Variants in SCFD2 observed in about 807,000 individuals in gnomAD.
SCFD2 encodes sec1 family domain-containing protein 2.
SCFD2 carries 54 observed loss-of-function variants against 58.9 expected under a neutral mutation model. The observed-to-expected ratio is 0.92, with a 90% CI of 0.74 to 1.15. The LOEUF is 1.15. Ranked by LOEUF, SCFD2 falls within the 50% of genes most tolerant of loss-of-function variation. The probability of loss-of-function intolerance (pLI) is 0.00; values close to 1 mark genes in which losing one functional copy is unlikely to be tolerated. For missense variants in SCFD2, 805 were observed against 836.6 expected, an observed-to-expected ratio of 0.96 and a Z score of 0.47; for synonymous variants, 321 against 335.9, an observed-to-expected ratio of 0.96 and a Z score of 0.49.
chr4:52,916,604 A>T (rs1474138160), intron 6 of SCFD2, among the ~76,000 whole-genome samples: 1 of 152,134 alleles, frequency 6.6e-6, no homozygotes, highest in Non-Finnish European at 1.5e-5. Flanking sequence ...CAGAAAAAAC[A>T]CTTTCTGCAC....
chr4:53,027,577 C>T (rs1322635261), intron 5 of SCFD2, among the ~76,000 whole-genome samples: 2 of 152,204 alleles, frequency 1.3e-5, no homozygotes, highest in East Asian at 3.8e-4. Context: ...CCTGTAATTC[C>T]AGCATGTTGG....
intron 5 of SCFD2, among the ~76,000 whole-genome samples, chr4:52,929,241 G>A (rs1424134335): frequency 6.6e-6 from 1 of 152,152 alleles, no homozygotes; most frequent in African/African-American, 2.4e-5. Flanking sequence ...AGGTAGGTAA[G>A]CAAAGTGCCA....
intron 5 of SCFD2, among the ~76,000 whole-genome samples, chr4:52,963,077 C>T (rs923231903): frequency 5.9e-5 from 9 of 152,180 alleles, no homozygotes; most frequent in African/African-American, 2.2e-4. Context: ...ATAAACCTGG[C>T]TTTGTTTAAA....
intron 4 of SCFD2, among the ~76,000 whole-genome samples, chr4:53,189,559 G>A (rs1727835610): frequency 6.6e-6 from 1 of 152,106 alleles, no homozygotes; most frequent in Non-Finnish European, 1.5e-5. Context: ...CAGTAAGGGA[G>A]GAATTCTCTA....
At chr4:53,129,584 T>C (rs1351268351) in intron 5 of SCFD2, among the ~76,000 whole-genome samples, 2 of 152,214 alleles carry the variant, frequency 1.3e-5, no homozygotes, top group Non-Finnish European at 2.9e-5. Flanking sequence ...TTTGCTGCAA[T>C]TTTAGGCTGA....
chr4:53,014,578 G>A (rs1432595231), intron 5 of SCFD2, among the ~76,000 whole-genome samples: 2 of 152,110 alleles, frequency 1.3e-5, no homozygotes, highest in African/African-American at 4.8e-5. Context: ...AACCTCATAG[G>A]CACAACCCTC....
chr4:53,178,476 A>G (rs1214545008), intron 4 of SCFD2, among the ~76,000 whole-genome samples: 1 of 152,172 alleles, frequency 6.6e-6, no homozygotes, highest in Admixed American at 6.5e-5. Flanking sequence ...CAGAAAGGAC[A>G]TCCACACCAA....
At chr4:53,148,104 G>A (rs987052466) in intron 4 of SCFD2, among the ~76,000 whole-genome samples, 1 of 152,120 alleles carries the variant, frequency 6.6e-6, no homozygotes, top group African/African-American at 2.4e-5. Context: ...TAGAAACTAT[G>A]TGTATACATA....
chr4:53,207,300 T>C (rs1223339840), intron 4 of SCFD2, among the ~76,000 whole-genome samples: 9 of 139,190 alleles, frequency 6.5e-5, no homozygotes, highest in South Asian at 2.2e-4. Context: ...AGGAATGTAA[T>C]ACATTTTTGC....
intron 4 of SCFD2, among the ~76,000 whole-genome samples, chr4:53,242,669 T>C (rs527797020): frequency 3.9e-5 from 6 of 152,266 alleles, no homozygotes; most frequent in South Asian, 4.1e-4. Flanking sequence ...AGAATATGAA[T>C]AGATATAAAG....
Position 53,295,774 on chromosome 4 carries a change from T to C in SCFD2, c.1135+17862A>G, listed in dbSNP as rs140374777. Among the ~76,000 whole-genome samples the C allele has an allele frequency of 8.4e-3, 1,275 of 152,346 alleles. 12 individuals are homozygous for C. Among genetic ancestry groups the C allele is most frequent in the African/African-American group, 0.029 (1,212 of 41,572 alleles). ...TTCATTATGATATTGGCTGTGGGTA[T>C]GTCATAAATAACTCTCAATATTTTG... On this transcript the variant is annotated intron_variant, in intron 3 of 8. Transcript: ENST00000401642.
At chr4:53,222,081 G>A (rs990334389) in intron 4 of SCFD2, among the ~76,000 whole-genome samples, 3 of 152,060 alleles carry the variant, frequency 2.0e-5, no homozygotes, top group African/African-American at 7.3e-5. Flanking sequence ...TCACAACATC[G>A]GCTAACACTG....
intron 5 of SCFD2, among the ~76,000 whole-genome samples, chr4:52,932,716 C>G (rs1326416212): frequency 6.6e-6 from 1 of 152,052 alleles, no homozygotes; most frequent in Non-Finnish European, 1.5e-5. Flanking sequence ...CAGTAGCAGA[C>G]AGATCAAATG....
rs1467198974 is a variant in SCFD2, at chr4:53,220,556, A to G, written c.1311+53270T>C. Among the ~76,000 whole-genome samples, 3 of 152,258 alleles carry G rather than the reference A, an allele frequency of 2.0e-5. No homozygotes were observed. In the East Asian group the frequency reaches 5.8e-4, roughly 29 times the overall value. ...TCATAAATGCAAAGAATATTCTCATATAAAATGCAGTCAGGTATTCAGTTA... is the reference window on the plus strand; with the variant it reads ...TCATAAATGCAAAGAATATTCTCATGTAAAATGCAGTCAGGTATTCAGTTA... On this transcript the variant is annotated intron_variant, in intron 4 of 8. Coordinates refer to ENST00000401642, the MANE Select transcript of SCFD2 (RefSeq NM_152540.4).
chr4:53,050,606 A>T (rs563291534), intron 5 of SCFD2, among the ~76,000 whole-genome samples: 1 of 152,302 alleles, frequency 6.6e-6, no homozygotes, highest in East Asian at 1.9e-4. Context: ...CAGATAATGC[A>T]CCTGATTGCC....
intron 5 of SCFD2, among the ~76,000 whole-genome samples, chr4:53,011,923 G>A (rs145954086): frequency 6.6e-6 from 1 of 151,998 alleles, no homozygotes; most frequent in Non-Finnish European, 1.5e-5. Flanking sequence ...TGATTGTGGG[G>A]AGAGGAAAAG....
chr4:53,186,463 A>T (rs1727739707), intron 4 of SCFD2, among the ~76,000 whole-genome samples: 3 of 152,158 alleles, frequency 2.0e-5, no homozygotes, highest in East Asian at 3.9e-4. Flanking sequence ...CATGTCCAGA[A>T]AATGTTTGTT....
intron 4 of SCFD2, among the ~76,000 whole-genome samples, chr4:53,207,282 C>CA (rs1193733118): frequency 7.6e-6 from 1 of 131,110 alleles, no homozygotes; most frequent in African/African-American, 2.9e-5. Context: ...ACAGCACTGA[C>CA]AAAACCTAGG....
chr4:53,084,034 A>G (rs537947550), intron 5 of SCFD2, among the ~76,000 whole-genome samples: 91 of 152,276 alleles, frequency 6.0e-4, no homozygotes, highest in African/African-American at 2.2e-3. Context: ...CTTGATAAAC[A>G]TCTTAAACAA....
Sources: allele counts gnomAD v4.1 joint callset (sites outside exome capture counted in the v4.1 genomes callset), GRCh38; gene constraint gnomAD v4.1.1; transcripts MANE v1.5; gene names NCBI Gene and HGNC (gene_info 2026-07-23, HGNC 2026-07-21).